PTPRE: variants seen among roughly 807,000 people sequenced by gnomAD.
PTPRE encodes the protein receptor-type tyrosine-protein phosphatase epsilon.
PTPRE carries 51 observed loss-of-function variants against 102.0 expected under a neutral mutation model. The ratio of observed to expected loss-of-function variants is 0.50; its 90% CI spans 0.40 to 0.63. The LOEUF (loss-of-function observed/expected upper bound fraction) is 0.63, where lower values mean the gene tolerates loss of function less well. Ranked by LOEUF, PTPRE falls within the 30% of genes least tolerant of loss-of-function variation. PTPRE has a pLI of 0.00. For missense variants in PTPRE, 752 were observed against 915.1 expected (o/e 0.82, Z 2.30); for synonymous variants, 345 against 348.2 (o/e 0.99, Z 0.10).
At chr10:127,978,412 C>T (rs985759571) in intron 1 of PTPRE, among the ~76,000 whole-genome samples, 4 of 152,016 alleles carry the variant, frequency 2.6e-5, no homozygotes, top group Non-Finnish European at 4.4e-5. Flanking sequence ...GTGGCGCACA[C>T]CTGTAGTCCC....
intron 1 of PTPRE, among the ~76,000 whole-genome samples, chr10:127,947,969 A>T (rs1401903425): frequency 6.6e-6 from 1 of 152,090 alleles, no homozygotes. Flanking sequence ...ACAGCATGGG[A>T]CGTGAGATGG....
chr10:127,941,165 C>A (rs1358180109), intron 1 of PTPRE, among the ~76,000 whole-genome samples: 1 of 152,174 alleles, frequency 6.6e-6, no homozygotes, highest in Non-Finnish European at 1.5e-5. Flanking sequence ...GGCCCTGTGG[C>A]ATCTGAGGTC....
chr10:127,969,270 G>A (rs1386305938), intron 1 of PTPRE, among the ~76,000 whole-genome samples: 1 of 152,216 alleles, frequency 6.6e-6, no homozygotes, highest in Non-Finnish European at 1.5e-5. Context: ...GAGTGACAAA[G>A]GGAATCCTCC....
intron 1 of PTPRE, among the ~76,000 whole-genome samples, chr10:127,960,985 C>T (rs1476736646): frequency 6.7e-6 from 1 of 148,618 alleles, no homozygotes; most frequent in East Asian, 2.0e-4. Flanking sequence ...AGCACCACTG[C>T]AGTCCAGCCT....
intron 17 of PTPRE, among the ~76,000 whole-genome samples, chr10:128,075,339 T>C (rs1443857315): frequency 6.6e-6 from 1 of 152,234 alleles, no homozygotes; most frequent in African/African-American, 2.4e-5. Flanking sequence ...TTTTGTTACA[T>C]AGGTATACAT....
At chr10:128,047,904 G>A in intron 5 of PTPRE, 67 bp downstream of exon 5, 1 of 1,467,858 alleles carries the variant, frequency 6.8e-7, no homozygotes, top group Non-Finnish European at 9.2e-7. Context: ...ACACTGAGGT[G>A]CTTTCTGCCT....
chr10:127,923,649 G>A (rs1846787807), intron 1 of PTPRE, among the ~76,000 whole-genome samples: 1 of 152,112 alleles, frequency 6.6e-6, no homozygotes, highest in African/African-American at 2.4e-5. Context: ...TGATCCACCT[G>A]CCTCAGCCTC....
intron 2 of PTPRE, among the ~76,000 whole-genome samples, chr10:128,012,003 C>T (rs541429475): frequency 1.1e-4 from 17 of 152,358 alleles, no homozygotes; most frequent in African/African-American, 3.8e-4. Flanking sequence ...ACAAGATAGA[C>T]AGCCCAGGTG....
At chr10:127,970,336 G>A (rs1321565333) in intron 1 of PTPRE, among the ~76,000 whole-genome samples, 1 of 152,196 alleles carries the variant, frequency 6.6e-6, no homozygotes, top group East Asian at 1.9e-4. Context: ...TTCAGTGTAA[G>A]CACAGCTTTG....
intron 7 of PTPRE, 67 bp downstream of exon 7, chr10:128,056,280 C>T: frequency 1.5e-6 from 2 of 1,321,404 alleles, no homozygotes; most frequent in East Asian, 2.3e-5. Context: ...TGCCTTGCAG[C>T]TCCCCGTGAC....
At chr10:127,959,594 A>C (rs1031558876) in intron 1 of PTPRE, among the ~76,000 whole-genome samples, 1 of 152,218 alleles carries the variant, frequency 6.6e-6, no homozygotes, top group Non-Finnish European at 1.5e-5. Flanking sequence ...TTGCCAGGCA[A>C]ATTTAAAGCA....
intron 3 of PTPRE, 86 bp downstream of exon 3, chr10:128,041,076 G>C: frequency 8.6e-7 from 1 of 1,158,406 alleles, no homozygotes; most frequent in South Asian, 1.3e-5. Flanking sequence ...GGGGCTTAGG[G>C]TAAGAGAAGA....
chr10:127,968,044 G>GTGTGTGTA (rs778496459), intron 1 of PTPRE, among the ~76,000 whole-genome samples: 51 of 150,100 alleles, frequency 3.4e-4, no homozygotes, highest in Middle Eastern at 3.4e-3. Context: ...GTGTGTGTGT[G>GTGTGTGTA]TGTCCCTGGA....
intron 2 of PTPRE, among the ~76,000 whole-genome samples, chr10:128,005,056 C>T (rs1441831812): frequency 6.6e-6 from 1 of 152,232 alleles, no homozygotes; most frequent in Non-Finnish European, 1.5e-5. Context: ...AGCGTCTATT[C>T]AAGTCCTTGG....
chr10:127,998,984 A>G (rs1027533978), intron 2 of PTPRE: 1 of 151,964 alleles, frequency 6.6e-6, no homozygotes, highest in Non-Finnish European at 1.5e-5. Flanking sequence ...AGTGCTGTAG[A>G]AGGGGGCAAA....
intron 2 of PTPRE, among the ~76,000 whole-genome samples, chr10:128,027,863 C>T (rs1846398010): frequency 6.6e-6 from 1 of 152,280 alleles, no homozygotes; most frequent in Admixed American, 6.5e-5. Flanking sequence ...CGTTTGAGCC[C>T]ACCTGGCTGA....
chr10:127,935,122 G>A (rs1847751893), intron 1 of PTPRE, among the ~76,000 whole-genome samples: 1 of 152,170 alleles, frequency 6.6e-6, no homozygotes. Flanking sequence ...GTGACTGACA[G>A]TGCTGTCTCC....
At chr10:127,959,819 C>T (rs11018421) in intron 1 of PTPRE, among the ~76,000 whole-genome samples, 1 of 152,108 alleles carries the variant, frequency 6.6e-6, no homozygotes, top group Non-Finnish European at 1.5e-5. Context: ...ATATGACCCA[C>T]CTTGCAGGCT....
chr10:128,021,603 T>C (rs889197600), intron 2 of PTPRE, among the ~76,000 whole-genome samples: 14 of 152,212 alleles, frequency 9.2e-5, no homozygotes, highest in African/African-American at 3.1e-4. Flanking sequence ...CTACTGTCCT[T>C]GGCCTCCAAA....
Sources: allele counts gnomAD v4.1 joint callset (sites outside exome capture counted in the v4.1 genomes callset), GRCh38; gene constraint gnomAD v4.1.1; transcripts MANE v1.5; gene names NCBI Gene and HGNC (gene_info 2026-07-23, HGNC 2026-07-21).